Variants in SLC26A11 observed in about 807,000 individuals in gnomAD.
The protein encoded by SLC26A11 is solute carrier family 26 member 11.
Under a neutral mutation model 62.2 loss-of-function variants are expected in SLC26A11, and 58 were observed. The observed-to-expected ratio is 0.93, with a 90% CI of 0.76 to 1.16. The LOEUF (loss-of-function observed/expected upper bound fraction) is 1.16, where lower values mean the gene tolerates loss of function less well. Ranked by LOEUF, SLC26A11 falls within the 50% of genes most tolerant of loss-of-function variation. The probability of loss-of-function intolerance (pLI) is 0.00; values close to 1 mark genes in which losing one functional copy is unlikely to be tolerated. For missense variants in SLC26A11, 790 were observed against 794.3 expected, an observed-to-expected ratio of 0.99 and a Z score of 0.06; for synonymous variants, 411 against 368.9, an observed-to-expected ratio of 1.11 and a Z score of -1.31.
intron 7 of SLC26A11, among the ~76,000 whole-genome samples, chr17:80,233,330 A>C (rs886457149): frequency 1.3e-5 from 2 of 152,120 alleles, no homozygotes; most frequent in African/African-American, 4.8e-5. Flanking sequence ...GAAACGGGCT[A>C]TGTTGCTCAG....
chr17:80,235,139 C>T (rs1355613361), intron 7 of SLC26A11, among the ~76,000 whole-genome samples: 4 of 152,000 alleles, frequency 2.6e-5, no homozygotes, highest in African/African-American at 9.7e-5. Context: ...CGTGAGCTAC[C>T]GTGCCCAGCC....
At chr17:80,224,742 G>A (rs956464569) in intron 5 of SLC26A11, among the ~76,000 whole-genome samples, 5 of 152,146 alleles carry the variant, frequency 3.3e-5, no homozygotes, top group Non-Finnish European at 7.4e-5. Flanking sequence ...ATGTTCTTTT[G>A]TAGGATCCCA....
At position 80,246,137 on chromosome 17, in the gene SLC26A11, T is replaced by G; in HGVS notation, c.1098-17T>G. ...TCCCGGCCCCTGGTGACTGACGGTCTCTGTGTTGCCTTCCAGGACAGCCGT... is the reference window on the plus strand; with the variant it reads ...TCCCGGCCCCTGGTGACTGACGGTCGCTGTGTTGCCTTCCAGGACAGCCGT... On this transcript the variant is annotated splice_polypyrimidine_tract_variant and intron_variant, in intron 11 of 17. Transcript: ENST00000361193. The surrounding 1 kb of genome is among the most constrained non-coding windows in gnomAD (Gnocchi z 4.4). 1 of 1,613,160 alleles carries G rather than the reference T, an allele frequency of 6.2e-7. No individual in the cohort carries two copies. The highest frequency in any genetic ancestry group is 1.1e-5 in the South Asian group (1 of 91,056).
chr17:80,246,925 CCCTACCCT>C lies in SLC26A11; in HGVS notation c.1294+280_1294+287del, dbSNP rs2043015956. ...CCCCTCCTGATCCCCCTGCCCCCAT[CCCTACCCT>C]CCTTGCCACCCGCCTCCAGCCACCA... On this transcript the variant is annotated intron_variant, in intron 13 of 17. Coordinates refer to ENST00000361193, the MANE Select transcript of SLC26A11 (RefSeq NM_001166347.2). The surrounding 1 kb of genome is among the most constrained non-coding windows in gnomAD (Gnocchi z 4.4). Among the ~76,000 whole-genome samples the C allele has an allele frequency of 1.3e-5, 2 of 152,200 alleles. No individual in the cohort carries two copies. Among genetic ancestry groups the C allele is most frequent in the South Asian group, 4.2e-4 (2 of 4,814 alleles).
At position 80,236,992 on chromosome 17, in the gene SLC26A11, C is replaced by T; in HGVS notation, c.801C>T (p.Tyr267=). 1 of 1,614,130 alleles carries T rather than the reference C, an allele frequency of 6.2e-7. No individual in the cohort carries two copies. The highest frequency in any genetic ancestry group is 8.5e-7 in the Non-Finnish European group (1 of 1,180,000). The stretch of plus-strand genomic sequence containing the variant: ...CGTACTCCTTCGAGGTGACTGGATA[C>T]CAGCCTTTCATCCTAACAGGGGAGA... ...LVAYSFEVTG[Y]QPFILTGETA... Residue 267 remains tyrosine, a synonymous_variant, in exon 8 of 18, where the codon TAC becomes TAT. Coordinates refer to ENST00000361193, the MANE Select transcript of SLC26A11 (RefSeq NM_001166347.2).
chr17:80,246,308 G>T lies in SLC26A11; in HGVS notation c.1153+99G>T, dbSNP rs187677879. On this transcript the variant is annotated intron_variant, in intron 12 of 17. Coordinates refer to ENST00000361193, the MANE Select transcript of SLC26A11 (RefSeq NM_001166347.2). This position sits in a 1 kb window ranked among gnomAD's most constrained non-coding sequence, Gnocchi z 4.4. The stretch of plus-strand genomic sequence containing the variant: ...CGTCCCTTTGGCTCATGGGCCGTGC[G>T]CCCCGGGACTGCACAGGGACTTGGG... 2.0e-6 allele frequency: 3 copies of T among 1,475,454 alleles called. No homozygotes were observed. Among genetic ancestry groups the T allele is most frequent in the African/African-American group, 1.4e-5 (1 of 71,868 alleles). The allele number at this position is 1,475,454 out of a possible 1,614,324, so 91.4% of individuals were successfully genotyped here.
rs150028811 is a variant in SLC26A11 at position 80,236,967 on chromosome 17, C to T, written c.776C>T (p.Ala259Val). ...ALVVSFAALV[A>V]YSFEVTGYQP... Reference sequence around the variant, plus strand: ...GTGGTCTCCTTCGCAGCCCTGGTTGCGTACTCCTTCGAGGTGACTGGATAC... The same window carrying T: ...GTGGTCTCCTTCGCAGCCCTGGTTGTGTACTCCTTCGAGGTGACTGGATAC... Residue 259 changes from alanine (A) to valine (V), a missense_variant, in exon 8 of 18, where the codon GCG (alanine) becomes GTG (valine). By Grantham distance (64) the Ala-to-Val change is moderately conservative. Coordinates refer to ENST00000361193, the MANE Select transcript of SLC26A11 (RefSeq NM_001166347.2). 3,376 of 1,614,024 alleles carry T rather than the reference C, an allele frequency of 2.1e-3. 5 individuals are homozygous for T. The highest frequency in any genetic ancestry group is 2.6e-3 in the Non-Finnish European group (3,033 of 1,179,932).
intron 7 of SLC26A11, among the ~76,000 whole-genome samples, chr17:80,236,390 C>G (rs2042691025): frequency 6.6e-6 from 1 of 152,222 alleles, no homozygotes; most frequent in African/African-American, 2.4e-5. Flanking sequence ...TCAGGGAAAC[C>G]CCTGGGCTCT....
At position 80,222,913 on chromosome 17, in the gene SLC26A11, G is replaced by A; in HGVS notation, c.427+66G>A. The A allele has an allele frequency of 6.6e-7, 1 of 1,513,218 alleles. No individual in the cohort carries two copies. The highest frequency in any genetic ancestry group is 9.0e-7 in the Non-Finnish European group (1 of 1,116,068). 93.7% of individuals were successfully genotyped at this position (1,513,218 alleles called of 1,614,324 possible). A position where few individuals can be genotyped will look rare whatever the true frequency, so the allele number is the denominator to read the frequency against. On this transcript the variant is annotated intron_variant, in intron 4 of 17. Transcript: ENST00000361193. This position sits in a 1 kb window ranked among gnomAD's most constrained non-coding sequence, Gnocchi z 4.7. ...CAGCATTTGCTTGTTTGCATTTCAA[G>A]TCTATCCCCGTGTGCGTGTGTGTGC...
intron 9 of SLC26A11, among the ~76,000 whole-genome samples, chr17:80,238,056 A>T (rs1351645941): frequency 6.6e-6 from 1 of 152,208 alleles, no homozygotes; most frequent in Non-Finnish European, 1.5e-5. Flanking sequence ...GGAAGTGATG[A>T]GTTTTAAGTA....
intron 5 of SLC26A11, chr17:80,225,543 G>A (rs1263383255): frequency 3.1e-6 from 1 of 327,056 alleles, no homozygotes; most frequent in Non-Finnish European, 5.8e-6. Flanking sequence ...TCTGCCTGCT[G>A]TGGGGTCACC....
At chr17:80,241,924 T>C (rs2042875936) in intron 10 of SLC26A11, 103 bp downstream of exon 10, 20 of 1,325,300 alleles carry the variant, frequency 1.5e-5, no homozygotes, top group Non-Finnish European at 2.1e-5. Context: ...ATGATGGTGG[T>C]GATGAACTGG....
intron 13 of SLC26A11, 125 bp from the exon 14 acceptor site, chr17:80,248,004 GC>G: frequency 8.4e-7 from 1 of 1,185,716 alleles, no homozygotes. Context: ...GTCCTCAGGG[GC>G]TGCTTGGGGT....
chr17:80,225,391 G>A (rs1028816563), intron 5 of SLC26A11, among the ~76,000 whole-genome samples: 17 of 152,116 alleles, frequency 1.1e-4, no homozygotes, highest in Non-Finnish European at 2.2e-4. Context: ...GGGGGGTGGC[G>A]GGGCACCTAG....
chr17:80,221,900 C>T, intron 3 of SLC26A11, 106 bp downstream of exon 3: 1 of 1,210,554 alleles, frequency 8.3e-7, no homozygotes, highest in East Asian at 2.6e-5. Flanking sequence ...CCCCTGGGCC[C>T]CAAGGAACCT....
chr17:80,239,167 C>T (rs1305528667), intron 9 of SLC26A11, among the ~76,000 whole-genome samples: 7 of 151,542 alleles, frequency 4.6e-5, no homozygotes, highest in Admixed American at 4.6e-4. Flanking sequence ...GCAACCTCCG[C>T]CCCCCAGGTT....
chr17:80,230,881 A>G (rs764764501), intron 7 of SLC26A11, among the ~76,000 whole-genome samples: 2 of 152,318 alleles, frequency 1.3e-5, no homozygotes, highest in Non-Finnish European at 1.5e-5. Flanking sequence ...TCAGTGAGGA[A>G]AGTGAGCCTA....
intron 15 of SLC26A11, among the ~76,000 whole-genome samples, 186 bp downstream of exon 15, chr17:80,248,860 G>GC (rs1375734303): frequency 3.3e-5 from 5 of 152,178 alleles, no homozygotes; most frequent in African/African-American, 1.2e-4. Context: ...AAGGGTGGTG[G>GC]CCCCCCACAT....
Position 80,228,221 on chromosome 17 carries a change from C to T in SLC26A11, c.736+261C>T, listed in dbSNP as rs577641482. 3.4e-4 allele frequency among the ~76,000 whole-genome samples: 52 copies of T among 152,322 alleles called. No individual in the cohort carries two copies. The highest frequency in any genetic ancestry group is 1.7e-3 in the South Asian group (8 of 4,830). On this transcript the variant is annotated intron_variant, in intron 7 of 17. Transcript: ENST00000361193. The surrounding 1 kb of genome is among the most constrained non-coding windows in gnomAD (Gnocchi z 4.1). ...GATATTGGCTCACTGCAACCTCCGC[C>T]TCCCAGGTTCATGTGATTCTCCTGC...
Sources: allele counts gnomAD v4.1 joint callset (sites outside exome capture counted in the v4.1 genomes callset), GRCh38; gene constraint gnomAD v4.1.1; non-coding constraint Gnocchi (gnomAD v3.1); transcripts MANE v1.5; gene names NCBI Gene and HGNC (gene_info 2026-07-23, HGNC 2026-07-21).